The following CHRM3 variants were observed in gnomAD, a reference collection of about 807,000 sequenced individuals.
The protein encoded by CHRM3 is cholinergic receptor muscarinic 3, also known as muscarinic acetylcholine receptor M3.
In CHRM3, 11 loss-of-function variants were observed where a neutral mutation model predicts 41.8. The observed-to-expected ratio is 0.26, with a 90% CI of 0.17 to 0.44. The LOEUF (loss-of-function observed/expected upper bound fraction) is 0.44, where lower values mean the gene tolerates loss of function less well. Ranked by LOEUF, CHRM3 falls within the 20% of genes least tolerant of loss-of-function variation. The pLI is 1.00. For synonymous variants in CHRM3, 297 were observed against 301.4 expected (o/e 0.99, Z 0.15); for missense variants, 571 against 745.4 (o/e 0.77, Z 2.72).
At chr1:239,436,807 T>A (rs1318048750) in intron 1 of CHRM3, among the ~76,000 whole-genome samples, 1 of 152,110 alleles carries the variant, frequency 6.6e-6, no homozygotes, top group East Asian at 1.9e-4. Context: ...TCTTTCTACT[T>A]GTTCTTTTCC....
At chr1:239,550,759 T>C (rs1361382830) in intron 3 of CHRM3, among the ~76,000 whole-genome samples, 1 of 152,158 alleles carries the variant, frequency 6.6e-6, no homozygotes, top group Non-Finnish European at 1.5e-5. Flanking sequence ...CATTAAGCTC[T>C]ATTGATTGAT....
chr1:239,488,381 A>C (rs1015439387), intron 1 of CHRM3, among the ~76,000 whole-genome samples: 1 of 152,144 alleles, frequency 6.6e-6, no homozygotes, highest in African/African-American at 2.4e-5. Context: ...GACCAACTGA[A>C]TTATAGTAAA....
intron 1 of CHRM3, among the ~76,000 whole-genome samples, chr1:239,400,804 C>CTG (rs1219501064): frequency 2.6e-5 from 4 of 152,048 alleles, no homozygotes; most frequent in Admixed American, 1.3e-4. Context: ...TTCCATTGGT[C>CTG]TGTGTGTGTG....
chr1:239,686,547 T>C (rs2149122374), intron 5 of CHRM3, among the ~76,000 whole-genome samples: 1 of 152,222 alleles, frequency 6.6e-6, no homozygotes. Context: ...CCAGAGCCCT[T>C]CCTTCATATT....
chr1:239,667,324 C>A (rs1028588173), intron 4 of CHRM3, among the ~76,000 whole-genome samples: 1 of 152,194 alleles, frequency 6.6e-6, no homozygotes, highest in African/African-American at 2.4e-5. Flanking sequence ...AAAATAAGTT[C>A]TCTTCTCTGT....
At chr1:239,665,141 A>G (rs966681170) in intron 4 of CHRM3, among the ~76,000 whole-genome samples, 1 of 145,712 alleles carries the variant, frequency 6.9e-6, no homozygotes, top group African/African-American at 2.6e-5. Flanking sequence ...GGCATTTCCA[A>G]CGTTAAAAGT....
chr1:239,395,026 T>C (rs1328091839), intron 1 of CHRM3, among the ~76,000 whole-genome samples: 1 of 152,198 alleles, frequency 6.6e-6, no homozygotes, highest in African/African-American at 2.4e-5. Context: ...TGTAACCTCT[T>C]AGTCATAAAA....
At chr1:239,535,591 A>C (rs1343944266) in intron 2 of CHRM3, among the ~76,000 whole-genome samples, 1 of 151,384 alleles carries the variant, frequency 6.6e-6, no homozygotes, top group African/African-American at 2.4e-5. Flanking sequence ...CTTGTTAGTA[A>C]ATTATTCAGG....
chr1:239,662,893 C>CTCCTCCTCCTCTTCTTCTTCTTCT (rs377732277), intron 4 of CHRM3, among the ~76,000 whole-genome samples: 4 of 46,384 alleles, frequency 8.6e-5, no homozygotes, highest in African/African-American at 3.1e-4. Flanking sequence ...CTTCCTCCTC[C>CTCCTCCTCCTCTTCTTCTTCTTCT]TCTTCTTCTT....
chr1:239,419,496 T>A (rs1661767767), intron 1 of CHRM3, among the ~76,000 whole-genome samples: 1 of 151,976 alleles, frequency 6.6e-6, no homozygotes, highest in Non-Finnish European at 1.5e-5. Context: ...TTTGTGACAA[T>A]ATGTACAATT....
Position 239,696,453 on chromosome 1 carries a change from A to G in CHRM3, c.-147+18165A>G, listed in dbSNP as rs532082452. Among the ~76,000 whole-genome samples, 137 of 152,220 alleles carry G rather than the reference A, an allele frequency of 9.0e-4. 1 individual carries two copies. Among genetic ancestry groups the G allele is most frequent in the African/African-American group, 2.9e-3 (122 of 41,538 alleles). On this transcript the variant is annotated intron_variant, in intron 5 of 6. Coordinates refer to ENST00000676153, the MANE Select transcript of CHRM3 (RefSeq NM_001375978.1). The stretch of plus-strand genomic sequence containing the variant: ...TTCATCACTCACCTGTCATTTTTAC[A>G]TGCTTGATGACTTAGGGTAAGATCC...
intron 5 of CHRM3, among the ~76,000 whole-genome samples, chr1:239,699,519 G>C (rs148605850): frequency 1.3e-5 from 2 of 152,118 alleles, no homozygotes; most frequent in Non-Finnish European, 2.9e-5. Flanking sequence ...CTAGCATCTT[G>C]ATCTTGGACT....
chr1:239,739,065 G>T (rs762690339), intron 5 of CHRM3, among the ~76,000 whole-genome samples: 72 of 152,134 alleles, frequency 4.7e-4, no homozygotes, highest in Non-Finnish European at 1.6e-4. Context: ...GAACAGAGTT[G>T]CTGTTCTGAG....
At chr1:239,448,274 A>G (rs1472679026) in intron 1 of CHRM3, among the ~76,000 whole-genome samples, 1 of 152,226 alleles carries the variant, frequency 6.6e-6, no homozygotes, top group Admixed American at 6.5e-5. Flanking sequence ...CTCCATCAGG[A>G]TATCCACTGT....
chr1:239,661,549 G>A (rs1028771160), intron 4 of CHRM3, among the ~76,000 whole-genome samples: 1 of 152,126 alleles, frequency 6.6e-6, no homozygotes, highest in African/African-American at 2.4e-5. Flanking sequence ...TAAGTAAAAG[G>A]AGCCAGGCTT....
At chr1:239,578,895 C>A (rs1662613652) in intron 3 of CHRM3, among the ~76,000 whole-genome samples, 1 of 152,152 alleles carries the variant, frequency 6.6e-6, no homozygotes, top group African/African-American at 2.4e-5. Context: ...CATTAAGAAC[C>A]ATTCATCTGC....
chr1:239,762,482 A>G (rs1298843385), intron 5 of CHRM3, among the ~76,000 whole-genome samples: 1 of 152,328 alleles, frequency 6.6e-6, no homozygotes, highest in Non-Finnish European at 1.5e-5. Context: ...TAATGAATAG[A>G]TTAAGTGCTC....
chr1:239,613,056 A>G (rs1374604007), intron 3 of CHRM3, among the ~76,000 whole-genome samples: 1 of 152,196 alleles, frequency 6.6e-6, no homozygotes, highest in African/African-American at 2.4e-5. Context: ...TGGCCCTAAG[A>G]TTAGGAGACT....
chr1:239,442,056 T>C lies in CHRM3; in HGVS notation c.-520-50653T>C, dbSNP rs139974903. 3.2e-4 allele frequency among the ~76,000 whole-genome samples: 48 copies of C among 152,360 alleles called. 1 individual carries two copies. The Middle Eastern group carries it at 0.01, about 32-fold the overall frequency. On this transcript the variant is annotated intron_variant, in intron 1 of 6. Transcript: ENST00000676153. ...TCAAAATGTACATAATATGTATCTC[T>C]TCTCAAATGCTTCAGTTCCACAGCA...
Sources: allele counts gnomAD v4.1 joint callset (sites outside exome capture counted in the v4.1 genomes callset), GRCh38; gene constraint gnomAD v4.1.1; transcripts MANE v1.5; gene names NCBI Gene and HGNC (gene_info 2026-07-23, HGNC 2026-07-21).